The following USP45 variants were observed in gnomAD, a reference collection of about 807,000 sequenced individuals.
The protein encoded by USP45 is ubiquitin specific peptidase 45.
A neutral mutation model predicts 95.8 loss-of-function variants in USP45; 89 were observed. The ratio of observed to expected loss-of-function variants is 0.93; its 90% CI spans 0.78 to 1.11. The LOEUF is 1.11. Ranked by LOEUF, USP45 falls within the 50% of genes least tolerant of loss-of-function variation. The pLI is 0.00. For synonymous variants in USP45, 281 were observed against 316.2 expected, an observed-to-expected ratio of 0.89 and a Z score of 1.18; for missense variants, 898 against 942.5, an observed-to-expected ratio of 0.95 and a Z score of 0.62.
At chr6:99,491,001 T>C (rs1465448882) in intron 5 of USP45, among the ~76,000 whole-genome samples, 2 of 152,254 alleles carry the variant, frequency 1.3e-5, no homozygotes, top group African/African-American at 4.8e-5. Context: ...CCTGTTTTTT[T>C]TATTCTTTAA....
intron 16 of USP45, among the ~76,000 whole-genome samples, 193 bp downstream of exon 16, chr6:99,439,576 C>G (rs1050935457): frequency 6.6e-6 from 1 of 152,154 alleles, no homozygotes; most frequent in Non-Finnish European, 1.5e-5. Context: ...TTCAATTTTC[C>G]TTTGTCTCCC....
intron 12 of USP45, 99 bp from the exon 13 acceptor site, chr6:99,464,846 T>A (rs1178828347): frequency 1.5e-6 from 2 of 1,304,760 alleles, no homozygotes; most frequent in African/African-American, 3.0e-5. Context: ...TACAAAAAAT[T>A]AACAAATTAT....
At chr6:99,490,407 T>C (rs181313840) in intron 5 of USP45, among the ~76,000 whole-genome samples, 223 of 152,120 alleles carry the variant, frequency 1.5e-3, no homozygotes, top group African/African-American at 4.9e-3. Context: ...CTCAAACTCC[T>C]GACCTCAAGT....
chr6:99,447,603 G>C (rs936989377), intron 13 of USP45, among the ~76,000 whole-genome samples: 1 of 152,196 alleles, frequency 6.6e-6, no homozygotes, highest in African/African-American at 2.4e-5. Context: ...TGCCTCTGTA[G>C]ACTCCACCTC....
intron 9 of USP45, among the ~76,000 whole-genome samples, chr6:99,472,199 T>G (rs1789574282): frequency 6.7e-6 from 1 of 150,068 alleles, no homozygotes; most frequent in Admixed American, 6.8e-5. Flanking sequence ...TCCATTCACA[T>G]GACTTTTAAC....
At chr6:99,477,369 TC>T (rs1791121031) in intron 8 of USP45, among the ~76,000 whole-genome samples, 1 of 152,172 alleles carries the variant, frequency 6.6e-6, no homozygotes, top group African/African-American at 2.4e-5. Context: ...AGTGGCACAA[TC>T]TCAGCTCACT....
At chr6:99,461,247 C>T in intron 13 of USP45, 2 of 985,272 alleles carry the variant, frequency 2.0e-6, no homozygotes, top group Non-Finnish European at 2.4e-6. Flanking sequence ...CCAGTCTCTA[C>T]AATTATTCAA....
At chr6:99,495,933 G>A (rs1343007806) in intron 5 of USP45, among the ~76,000 whole-genome samples, 6 of 152,100 alleles carry the variant, frequency 3.9e-5, no homozygotes, top group Non-Finnish European at 7.4e-5. Context: ...TGAGAAAATA[G>A]TCACTCTAAT....
At chr6:99,468,723 T>C (rs987561574) in intron 9 of USP45, 105 bp from the exon 10 acceptor site, 22 of 653,122 alleles carry the variant, frequency 3.4e-5, no homozygotes, top group Non-Finnish European at 4.9e-5. Context: ...GGATTTCAGT[T>C]CCCTAGTTTG....
At position 99,443,624 on chromosome 6, in the gene USP45, G is replaced by T; in HGVS notation, c.2014C>A (p.Gln672Lys). ...GCTGGAACAGCAGAAATGAGCAATT[G>T]CTTCCTGGCATTAGTATAAACTCCT... ...VEGVYTNARKQLLISAVPAVL... is the reference protein window; with the variant it reads ...VEGVYTNARKKLLISAVPAVL... Residue 672 changes from glutamine (Q) to lysine (K), a missense_variant, in exon 15 of 18, where the codon CAA (glutamine) becomes AAA (lysine). By Grantham distance (53) the Gln-to-Lys change is moderately conservative. Transcript: ENST00000500704. The T allele has an allele frequency of 6.2e-7, 1 of 1,608,618 alleles. No individual in the cohort carries two copies. The highest frequency in any genetic ancestry group is 8.5e-7 in the Non-Finnish European group (1 of 1,176,954).
Position 99,434,436 on chromosome 6 carries a change from T to G in USP45, c.*1280A>C, listed in dbSNP as rs1175266149. ...ACTAATGATTAGGATGCTTGAACCA[T>G]GCAGTTTTGTTTCTATTTCAACAAT... On this transcript the variant is annotated 3_prime_UTR_variant, in exon 18 of 18. Transcript: ENST00000500704. 6.6e-6 allele frequency: 1 copy of G among 152,216 alleles called. No individual in the cohort carries two copies. Among genetic ancestry groups the G allele is most frequent in the Non-Finnish European group, 1.5e-5 (1 of 68,026 alleles). 9.4% of individuals were successfully genotyped at this position (152,216 alleles called of 1,614,324 possible). A position where few individuals can be genotyped will look rare whatever the true frequency, so the allele number is the denominator to read the frequency against.
intron 5 of USP45, among the ~76,000 whole-genome samples, chr6:99,489,499 C>G (rs1794703632): frequency 6.6e-6 from 1 of 152,098 alleles, no homozygotes; most frequent in Non-Finnish European, 1.5e-5. Context: ...TTGTATTATT[C>G]TTGCAACATT....
intron 7 of USP45, 50 bp from the exon 8 acceptor site, chr6:99,482,933 AC>A: frequency 7.3e-7 from 1 of 1,378,938 alleles, no homozygotes; most frequent in African/African-American, 1.5e-5. Context: ...TTTAAAAATA[AC>A]ATATTAAAAA....
At position 99,457,114 on chromosome 6, in the gene USP45, C is replaced by T. The variant is rs149822191; in HGVS notation, c.1308+7490G>A. ...TGGTCAGACCGGGTGCTCTCAAAAC[C>T]CTGTCTCCTGATAAGATGTTATCAA... On this transcript the variant is annotated intron_variant, in intron 13 of 17. Coordinates refer to ENST00000500704, the MANE Select transcript of USP45 (RefSeq NM_001346022.3). 1.7e-3 allele frequency among the ~76,000 whole-genome samples: 256 copies of T among 152,292 alleles called. 3 individuals are homozygous for T. The highest frequency in any genetic ancestry group is 5.3e-3 in the African/African-American group (219 of 41,552).
intron 13 of USP45, chr6:99,461,106 T>TA (rs540124746): frequency 0.021 from 20,216 of 943,576 alleles, 148 homozygotes; most frequent in Non-Finnish European, 0.024. Context: ...TTTTATGAAA[T>TA]AAAAAAAAAA....
intron 5 of USP45, among the ~76,000 whole-genome samples, chr6:99,503,438 T>C (rs1797831897): frequency 6.6e-6 from 1 of 151,990 alleles, no homozygotes; most frequent in Non-Finnish European, 1.5e-5. Flanking sequence ...TTCAAGCGAT[T>C]CTCCTGTCTC....
intron 13 of USP45, among the ~76,000 whole-genome samples, chr6:99,448,444 A>T (rs1783042576): frequency 6.6e-6 from 1 of 152,202 alleles, no homozygotes; most frequent in Admixed American, 6.5e-5. Flanking sequence ...GATATCAGTG[A>T]TTGAAGATCA....
chr6:99,514,033 T>A (rs764555840), intron 1 of USP45, among the ~76,000 whole-genome samples: 3 of 152,156 alleles, frequency 2.0e-5, no homozygotes, highest in Non-Finnish European at 4.4e-5. Flanking sequence ...GGCACTTATA[T>A]CCCTTACCTT....
chr6:99,479,366 C>T (rs1256534583), intron 8 of USP45, among the ~76,000 whole-genome samples: 1 of 151,894 alleles, frequency 6.6e-6, no homozygotes, highest in African/African-American at 2.4e-5. Flanking sequence ...TGCACCATCA[C>T]ACCTCTGGCT....
Sources: allele counts gnomAD v4.1 joint callset (sites outside exome capture counted in the v4.1 genomes callset), GRCh38; gene constraint gnomAD v4.1.1; transcripts MANE v1.5; gene names NCBI Gene and HGNC (gene_info 2026-07-23, HGNC 2026-07-21).